MYO19: variants seen among roughly 807,000 people sequenced by gnomAD.
The protein encoded by MYO19 is myosin XIX, also known as unconventional myosin-XIX.
Under a neutral mutation model 129.2 loss-of-function variants are expected in MYO19, and 132 were observed. That is an observed-to-expected ratio of 1.02 (90% CI 0.89 to 1.18). The LOEUF is 1.18. Among genes scored for constraint, MYO19 ranks in the 50% most tolerant of loss-of-function variants. The probability of loss-of-function intolerance (pLI) is 0.00; values close to 1 mark genes in which losing one functional copy is unlikely to be tolerated. For synonymous variants in MYO19, 531 were observed against 477.2 expected, an observed-to-expected ratio of 1.11 and a Z score of -1.47; for missense variants, 1,210 against 1,216.7, an observed-to-expected ratio of 0.99 and a Z score of 0.08.
intron 1 of MYO19, chr17:36,534,328 C>T (rs756995618): frequency 2.0e-5 from 3 of 152,268 alleles, no homozygotes; most frequent in African/African-American, 4.8e-5. Flanking sequence ...CGTCGTGCCG[C>T]AAACCCAGGG....
chr17:36,499,191 A>AT (rs1490991227), intron 23 of MYO19, 31 bp from the exon 24 acceptor site: 1 of 1,553,096 alleles, frequency 6.4e-7, no homozygotes, highest in East Asian at 2.3e-5. Flanking sequence ...CAGGAAAGAG[A>AT]TAATAAAGGG....
chr17:36,500,754 G>C (rs369925478), intron 23 of MYO19, 76 bp downstream of exon 23: 1 of 1,521,960 alleles, frequency 6.6e-7, no homozygotes, highest in Non-Finnish European at 8.8e-7. Flanking sequence ...ATGGGGACTC[G>C]ACGAGCTATG....
At chr17:36,531,502 G>GT (rs1036043275) in intron 3 of MYO19, among the ~76,000 whole-genome samples, 19 of 151,554 alleles carry the variant, frequency 1.3e-4, no homozygotes, top group African/African-American at 4.1e-4. Flanking sequence ...AATATCATAG[G>GT]TTTTTTCCCC....
intron 17 of MYO19, 94 bp downstream of exon 17, chr17:36,506,869 G>C (rs1017368347): frequency 7.2e-7 from 1 of 1,387,424 alleles, no homozygotes; most frequent in African/African-American, 1.5e-5. Context: ...GTTCAGGAGA[G>C]AAAGGACTCA....
intron 25 of MYO19, 109 bp from the exon 26 acceptor site, chr17:36,496,515 A>G: frequency 3.0e-6 from 3 of 989,942 alleles, no homozygotes; most frequent in Non-Finnish European, 4.5e-6. Context: ...GACAAGTACT[A>G]GTATTGGGGG....
chr17:36,495,936 G>A lies in MYO19; in HGVS notation c.*315C>T. The stretch of plus-strand genomic sequence containing the variant: ...TCCAAAAGTGCTTATGTGGAATTGG[G>A]ATCCCCAGTGTAGTGACAGACAGTC... On this transcript the variant is annotated 3_prime_UTR_variant, in exon 26 of 26. Transcript: ENST00000614623. 9.5e-7 allele frequency: 1 copy of A among 1,047,200 alleles called. No homozygotes were observed. The highest frequency in any genetic ancestry group is 1.2e-6 in the Non-Finnish European group (1 of 817,146). The allele number at this position is 1,047,200 out of a possible 1,614,324, so 64.9% of individuals were successfully genotyped here.
chr17:36,501,234 T>C lies in MYO19; in HGVS notation c.2082A>G (p.Glu694=), dbSNP rs1220434603. The C allele has an allele frequency of 6.2e-7, 1 of 1,609,288 alleles. No individual in the cohort carries two copies. Among genetic ancestry groups the C allele is most frequent in the Admixed American group, 1.7e-5 (1 of 59,804 alleles). Residue 694 remains glutamate (E), a splice_region_variant and synonymous_variant, in exon 22 of 26, where the codon GAA becomes GAG. Coordinates refer to ENST00000614623, the MANE Select transcript of MYO19 (RefSeq NM_001163735.2). ...TGGCTTCCTCGCTGTGTGGACACCA[T>C]TCTGGGGGAGGGAGATGGCCCCATC... ...DSPYPAKGLP[E]WCPHSEEATL...
chr17:36,544,123 GA>G (rs2142640077), upstream of MYO19, among the ~76,000 whole-genome samples: 1 of 152,358 alleles, frequency 6.6e-6, no homozygotes, highest in East Asian at 1.9e-4. Context: ...CGGCCAGAGG[GA>G]AAGGCCGTTG....
intron 6 of MYO19, among the ~76,000 whole-genome samples, chr17:36,519,030 G>A (rs1304818711): frequency 6.6e-6 from 1 of 152,086 alleles, no homozygotes; most frequent in Non-Finnish European, 1.5e-5. Context: ...AGTAAACTGG[G>A]ACTACAGGCA....
intron 6 of MYO19, among the ~76,000 whole-genome samples, chr17:36,516,793 T>C (rs894115603): frequency 9.2e-5 from 14 of 152,270 alleles, no homozygotes; most frequent in African/African-American, 3.4e-4. Context: ...ATTGACCTTG[T>C]ATCCTATCAC....
intron 19 of MYO19, chr17:36,504,325 C>T: frequency 2.8e-6 from 1 of 362,866 alleles, no homozygotes; most frequent in South Asian, 6.8e-5. Flanking sequence ...CTCACTACCA[C>T]ACAACCCAGC....
chr17:36,523,079 C>T (rs547945162), intron 6 of MYO19, among the ~76,000 whole-genome samples: 34 of 146,810 alleles, frequency 2.3e-4, no homozygotes, highest in Admixed American at 4.2e-4. Context: ...CCCAGCTACT[C>T]GGGAGGCTGA....
intron 5 of MYO19, 28 bp downstream of exon 5, chr17:36,527,523 G>A: frequency 6.2e-7 from 1 of 1,607,868 alleles, no homozygotes; most frequent in Non-Finnish European, 8.5e-7. Context: ...GAGGAGCCCT[G>A]AGGCCACAGG....
intron 17 of MYO19, 74 bp downstream of exon 17, chr17:36,506,889 A>G: frequency 7.0e-7 from 1 of 1,429,322 alleles, no homozygotes; most frequent in Non-Finnish European, 9.3e-7. Context: ...ACGATGGGAA[A>G]CTACTATGTC....
intron 8 of MYO19, among the ~76,000 whole-genome samples, chr17:36,514,892 G>A (rs1599326305): frequency 6.6e-6 from 1 of 152,332 alleles, no homozygotes; most frequent in East Asian, 1.9e-4. Flanking sequence ...GAGGAACCCA[G>A]GCCTGAATAA....
At chr17:36,502,839 T>A in intron 21 of MYO19, 1 of 544,310 alleles carries the variant, frequency 1.8e-6, no homozygotes, top group South Asian at 2.3e-5. Context: ...ATCCAATTTA[T>A]TCTCAGATAC....
At chr17:36,517,541 G>A (rs2072835805) in intron 6 of MYO19, among the ~76,000 whole-genome samples, 1 of 152,220 alleles carries the variant, frequency 6.6e-6, no homozygotes, top group African/African-American at 2.4e-5. Flanking sequence ...TTACAGGCGT[G>A]AGCCACTGCA....
chr17:36,521,346 GA>G (rs1229183205), intron 6 of MYO19, among the ~76,000 whole-genome samples: 1 of 151,852 alleles, frequency 6.6e-6, no homozygotes, highest in Non-Finnish European at 1.5e-5. Flanking sequence ...ATAAATGTTA[GA>G]AAAAAACTAG....
chr17:36,509,170 G>A (rs1465051929), intron 13 of MYO19, 35 bp from the exon 14 acceptor site: 2 of 1,597,844 alleles, frequency 1.3e-6, no homozygotes, highest in South Asian at 2.2e-5. Flanking sequence ...TGGTAAGAGG[G>A]TCTGGCTGAG....
Sources: allele counts gnomAD v4.1 joint callset (sites outside exome capture counted in the v4.1 genomes callset), GRCh38; gene constraint gnomAD v4.1.1; transcripts MANE v1.5; gene names NCBI Gene and HGNC (gene_info 2026-07-23, HGNC 2026-07-21).